Variants in TRPM6 observed in about 807,000 individuals in gnomAD.
The protein encoded by TRPM6 is channel kinase 2.
A neutral mutation model predicts 247.6 loss-of-function variants in TRPM6; 111 were observed. That is an observed-to-expected ratio of 0.45 (90% CI 0.38 to 0.52). The LOEUF (loss-of-function observed/expected upper bound fraction) is 0.52, where lower values mean the gene tolerates loss of function less well. Among genes scored for constraint, TRPM6 ranks in the 20% least tolerant of loss-of-function variants. The pLI is 0.00. For missense variants in TRPM6, 2,126 were observed against 2,421.5 expected, an observed-to-expected ratio of 0.88 and a Z score of 2.56; for synonymous variants, 892 against 853.8, an observed-to-expected ratio of 1.04 and a Z score of -0.78.
intron 18 of TRPM6, among the ~76,000 whole-genome samples, chr9:74,796,021 A>G (rs1249900379): frequency 6.6e-6 from 1 of 152,184 alleles, no homozygotes; most frequent in Non-Finnish European, 1.5e-5. Flanking sequence ...CTGCCACAAT[A>G]CGTAATGCAA....
Position 74,792,775 on chromosome 9 carries a change from A to G in TRPM6, c.2392-5T>C. 1 of 1,612,332 alleles carries G rather than the reference A, an allele frequency of 6.2e-7. No homozygotes were observed. On this transcript the variant is annotated splice_polypyrimidine_tract_variant and splice_region_variant and intron_variant, in intron 18 of 38. Transcript: ENST00000360774. The stretch of plus-strand genomic sequence containing the variant: ...CCTTTCCAAATCATACTCTTTCTAT[A>G]AAATAAACAAATAATCATTTTCTTG...
rs1489950016 is a variant in TRPM6, at chr9:74,796,772, T to A, written c.2360A>T (p.Asn787Ile). The change falls in exon 18 of 39, where the codon AAC becomes ATC. Residue 787 changes from asparagine (N) to isoleucine (I), a missense_variant. This residue lies in a region of TRPM6 where 1,082 missense variants were observed against 1,307.9 expected (regional missense o/e 0.83). Transcript: ENST00000360774. ...AGCACTTTCTTTGGAACTGCTGGCG[T>A]TCTGGTCACTGTAATACCACATAAA... ...FQFMWYYSDQNASSSKESASV... is the reference protein window; with the variant it reads ...FQFMWYYSDQIASSSKESASV... 8.1e-6 allele frequency: 13 copies of A among 1,614,042 alleles called. No individual in the cohort carries two copies. The South Asian group carries it at 1.4e-4, about 18-fold the overall frequency.
intron 31 of TRPM6, among the ~76,000 whole-genome samples, chr9:74,746,208 C>T (rs900702947): frequency 6.7e-6 from 1 of 149,552 alleles, no homozygotes; most frequent in African/African-American, 2.5e-5. Context: ...CACTGCACTG[C>T]AGCCTGGGCG....
chr9:74,837,988 A>G (rs933275428), intron 5 of TRPM6, among the ~76,000 whole-genome samples: 43 of 152,048 alleles, frequency 2.8e-4, no homozygotes, highest in African/African-American at 1.0e-3. Flanking sequence ...AGCTCAGGCA[A>G]TTCACCAGCC....
rs75425576 is a variant in TRPM6 at position 74,761,870 on chromosome 9, C to T, written c.4673-62G>A. Reference sequence around the variant, plus strand: ...AGTAAGTGGGGAACATTTTGTTTTACAGAAAAAGCTGAGAGAATGGGGAGA... The same window carrying T: ...AGTAAGTGGGGAACATTTTGTTTTATAGAAAAAGCTGAGAGAATGGGGAGA... On this transcript the variant is annotated intron_variant, in intron 26 of 38. Coordinates refer to ENST00000360774, the MANE Select transcript of TRPM6 (RefSeq NM_017662.5). The T allele has an allele frequency of 5.3e-3, 8,008 of 1,518,962 alleles. 313 individuals are homozygous for T. In the African/African-American group the frequency reaches 0.09, roughly 17 times the overall value. The allele number at this position is 1,518,962 out of a possible 1,614,324, so 94.1% of individuals were successfully genotyped here.
chr9:74,827,188 C>T, intron 7 of TRPM6: 1 of 153,318 alleles, frequency 6.5e-6, no homozygotes. Flanking sequence ...TCTTCAGCCA[C>T]CCCCCTTCCC....
chr9:74,806,864 C>T (rs950432867), intron 14 of TRPM6, among the ~76,000 whole-genome samples: 1 of 152,134 alleles, frequency 6.6e-6, no homozygotes, highest in Non-Finnish European at 1.5e-5. Context: ...ACTCTGCACT[C>T]CACTGGAAGA....
At chr9:74,819,419 G>A (rs1829068832) in intron 9 of TRPM6, among the ~76,000 whole-genome samples, 1 of 152,142 alleles carries the variant, frequency 6.6e-6, no homozygotes, top group Non-Finnish European at 1.5e-5. Context: ...CAAGGCAAGA[G>A]GATCACTTGA....
At chr9:74,766,389 C>T (rs1826825110) in intron 25 of TRPM6, among the ~76,000 whole-genome samples, 1 of 152,060 alleles carries the variant, frequency 6.6e-6, no homozygotes, top group Non-Finnish European at 1.5e-5. Context: ...ATGCAAGGTA[C>T]GAGGATGGAA....
rs184914180 is a variant in TRPM6 at position 74,785,545 on chromosome 9, T to C, written c.2919+329A>G. 1.9e-4 allele frequency among the ~76,000 whole-genome samples: 29 copies of C among 151,952 alleles called. No individual in the cohort carries two copies. The South Asian group carries it at 2.9e-3, about 15-fold the overall frequency. Reference sequence around the variant, plus strand: ...TTTTGAAAACCTTTTTTTTTTGAGATGGAGTCTCGCTCTGTCGCTCAAGCT... The same window carrying C: ...TTTTGAAAACCTTTTTTTTTTGAGACGGAGTCTCGCTCTGTCGCTCAAGCT... On this transcript the variant is annotated intron_variant, in intron 21 of 38. Transcript: ENST00000360774.
intron 1 of TRPM6, among the ~76,000 whole-genome samples, chr9:74,878,284 C>G (rs1451902130): frequency 6.6e-6 from 1 of 152,164 alleles, no homozygotes; most frequent in African/African-American, 2.4e-5. Context: ...TTGCCACTGA[C>G]AGCACCCAAG....
chr9:74,839,223 C>T (rs1046383727), intron 5 of TRPM6, among the ~76,000 whole-genome samples: 6 of 152,050 alleles, frequency 3.9e-5, no homozygotes, highest in South Asian at 4.2e-4. Context: ...TCAGAAGCTC[C>T]TGACTAAAAG....
At chr9:74,805,503 G>C (rs895428812) in intron 14 of TRPM6, among the ~76,000 whole-genome samples, 1 of 152,182 alleles carries the variant, frequency 6.6e-6, no homozygotes, top group Non-Finnish European at 1.5e-5. Context: ...TGCTACTCCA[G>C]AACCAAATGA....
intron 23 of TRPM6, among the ~76,000 whole-genome samples, chr9:74,776,811 T>A (rs1827241657): frequency 6.6e-6 from 1 of 152,220 alleles, no homozygotes; most frequent in Non-Finnish European, 1.5e-5. Flanking sequence ...AAGATGTCCA[T>A]CTTAATATTT....
intron 1 of TRPM6, among the ~76,000 whole-genome samples, chr9:74,864,592 CT>C (rs1830787409): frequency 6.6e-6 from 1 of 152,200 alleles, no homozygotes; most frequent in Non-Finnish European, 1.5e-5. Context: ...AACCTTACAC[CT>C]TCATCTCACT....
intron 3 of TRPM6, among the ~76,000 whole-genome samples, chr9:74,848,843 A>ATGT (rs1346587667): frequency 1.3e-5 from 2 of 152,218 alleles, no homozygotes; most frequent in African/African-American, 4.8e-5. Context: ...TCTGATGACA[A>ATGT]ATACATACAG....
At chr9:74,886,844 G>T (rs1308841943) in intron 1 of TRPM6, among the ~76,000 whole-genome samples, 1 of 152,238 alleles carries the variant, frequency 6.6e-6, no homozygotes, top group African/African-American at 2.4e-5. Flanking sequence ...ATCACAGGTA[G>T]TGATGCAGCT....
Position 74,739,854 on chromosome 9 carries a change from C to T in TRPM6, c.5356G>A (p.Val1786Ile), listed in dbSNP as rs142946646. The change falls in exon 34 of 39, where the codon GTC becomes ATC. Residue 1786 changes from valine to isoleucine, a missense_variant. Transcript: ENST00000360774. ...DGGLRKAMRV[V>I]STWSEDDILK... ...ATGTCATCCTCAGACCAAGTGCTGACGACTCTCATAGCTTTACGGAGGCCC... is the reference window on the plus strand; with the variant it reads ...ATGTCATCCTCAGACCAAGTGCTGATGACTCTCATAGCTTTACGGAGGCCC... The T allele has an allele frequency of 1.4e-4, 233 of 1,613,980 alleles. No homozygotes were observed. The highest frequency in any genetic ancestry group is 1.3e-3 in the Middle Eastern group (8 of 6,084).
chr9:74,808,227 C>A (rs1476248668), intron 13 of TRPM6, 53 bp from the exon 14 acceptor site: 1 of 1,608,810 alleles, frequency 6.2e-7, no homozygotes, highest in East Asian at 2.2e-5. Flanking sequence ...TCTTTCATTT[C>A]TCTTGCCATG....
Sources: allele counts gnomAD v4.1 joint callset (sites outside exome capture counted in the v4.1 genomes callset), GRCh38; gene constraint gnomAD v4.1.1; regional missense constraint gnomAD v4.1.1; transcripts MANE v1.5; gene names NCBI Gene and HGNC (gene_info 2026-07-23, HGNC 2026-07-21).